Variants in HOOK1 observed in about 807,000 individuals in gnomAD.
HOOK1 encodes hook microtubule tethering protein 1.
HOOK1 carries 60 observed loss-of-function variants against 112.8 expected under a neutral mutation model. The observed-to-expected ratio is 0.53, with a 90% confidence interval of 0.43 to 0.66. HOOK1 has a LOEUF of 0.66. Ranked by LOEUF, HOOK1 falls within the 30% of genes least tolerant of loss-of-function variation. The pLI is 0.00. For synonymous variants in HOOK1, 294 were observed against 283.8 expected, an observed-to-expected ratio of 1.04 and a Z score of -0.36; for missense variants, 770 against 856.0, an observed-to-expected ratio of 0.90 and a Z score of 1.25.
chr1:59,862,915 T>C (rs560652204), intron 16 of HOOK1, 38 bp downstream of exon 16: 3 of 1,182,902 alleles, frequency 2.5e-6, no homozygotes, highest in Non-Finnish European at 3.8e-6. Context: ...CTGCTGTGTA[T>C]GGCTTTTCTT....
chr1:59,815,343 G>A (rs1406664188), intron 1 of HOOK1, 163 bp downstream of exon 1: 1 of 661,126 alleles, frequency 1.5e-6, no homozygotes, highest in Non-Finnish European at 2.5e-6. Flanking sequence ...CCTGCGGGTC[G>A]ACGGGCAGGT....
intron 20 of HOOK1, among the ~76,000 whole-genome samples, chr1:59,870,283 A>T (rs931711187): frequency 3.3e-5 from 5 of 152,230 alleles, no homozygotes; most frequent in Non-Finnish European, 5.9e-5. Context: ...GCACATGGGC[A>T]TTTAATTTGT....
At chr1:59,846,616 C>G (rs906188690) in intron 9 of HOOK1, among the ~76,000 whole-genome samples, 9 of 136,778 alleles carry the variant, frequency 6.6e-5, no homozygotes, top group African/African-American at 2.2e-4. Context: ...CTCCCTCTCT[C>G]TCTCTCATTC....
chr1:59,815,266 G>T, intron 1 of HOOK1, 86 bp downstream of exon 1: 5 of 1,289,356 alleles, frequency 3.9e-6, no homozygotes, highest in Non-Finnish European at 5.4e-6. Flanking sequence ...GTGAGCTGGG[G>T]CTACCTGCAC....
In HOOK1 at chr1:59,836,936, G is replaced by A. The variant is rs894758927; in HGVS notation, c.537+1G>A. On this transcript the variant is annotated splice_donor_variant, in intron 7 of 21. Transcript: ENST00000371208. LOFTEE classifies it high-confidence loss of function. ...TGCTGTTGGAGAATTGGAGCAACAG[G>A]TGAGTATTTTAGTATGGAAGAAAAA... is the stretch of plus-strand genomic sequence containing the variant. 3 of 1,587,984 alleles carry A rather than the reference G, an allele frequency of 1.9e-6. No individual in the cohort carries two copies. The highest frequency in any genetic ancestry group is 1.3e-5 in the African/African-American group (1 of 74,430).
At chr1:59,843,960 A>G (rs980959998) in intron 9 of HOOK1, among the ~76,000 whole-genome samples, 1 of 152,042 alleles carries the variant, frequency 6.6e-6, no homozygotes, top group Admixed American at 6.6e-5. Context: ...TCGTAAGCCA[A>G]GTAGGTGCTT....
chr1:59,847,977 T>A (rs2098404983), intron 10 of HOOK1, among the ~76,000 whole-genome samples: 1 of 151,754 alleles, frequency 6.6e-6, no homozygotes, highest in South Asian at 2.1e-4. Context: ...GGTTGGCCTG[T>A]AAGCTGCAGA....
At chr1:59,835,458 T>C in intron 6 of HOOK1, 46 bp downstream of exon 6, 1 of 1,090,844 alleles carries the variant, frequency 9.2e-7, no homozygotes, top group Non-Finnish European at 1.4e-6. Flanking sequence ...CTAAACCAAA[T>C]TATACAAAAC....
At chr1:59,850,188 A>G (rs2098406368) in intron 12 of HOOK1, among the ~76,000 whole-genome samples, 1 of 151,572 alleles carries the variant, frequency 6.6e-6, no homozygotes, top group Non-Finnish European at 1.5e-5. Context: ...TGTCTCTTCA[A>G]ATCCTTTGCC....
Position 59,843,432 on chromosome 1 carries a change from G to A in HOOK1, c.622G>A (p.Val208Met). 1 of 1,601,172 alleles carries A rather than the reference G, an allele frequency of 6.2e-7. No individual in the cohort carries two copies. Among genetic ancestry groups the A allele is most frequent in the Non-Finnish European group, 8.5e-7 (1 of 1,174,356 alleles). Residue 208 changes from valine (V) to methionine (M), a missense_variant and splice_region_variant, in exon 9 of 22, where the codon GTG becomes ATG. Coordinates refer to ENST00000371208, the MANE Select transcript of HOOK1 (RefSeq NM_015888.6). ...RQRCEELDMQ[V>M]TTLQDEKNSL... ...TTATGTATGTGTATTTGTTTCTTAG[G>A]TGACTACACTTCAAGATGAAAAGAA...
At chr1:59,862,233 G>A (rs1057469143) in intron 15 of HOOK1, among the ~76,000 whole-genome samples, 4 of 152,178 alleles carry the variant, frequency 2.6e-5, no homozygotes, top group African/African-American at 7.2e-5. Context: ...GAGGGAGAGG[G>A]AGATACTAAC....
At chr1:59,867,422 C>T (rs1643986267) in intron 19 of HOOK1, among the ~76,000 whole-genome samples, 2 of 152,096 alleles carry the variant, frequency 1.3e-5, no homozygotes, top group African/African-American at 4.8e-5. Context: ...AATGAAGGAG[C>T]CACAATAGTA....
chr1:59,828,718 A>G, intron 2 of HOOK1, 62 bp from the exon 3 acceptor site: 1 of 1,434,920 alleles, frequency 7.0e-7, no homozygotes, highest in African/African-American at 1.4e-5. Flanking sequence ...TGTTGGCTCT[A>G]TTTAATTTTT....
At position 59,858,999 on chromosome 1, in the gene HOOK1, A is replaced by G. The variant is rs1374262187; in HGVS notation, c.1345A>G (p.Lys449Glu). 5.7e-6 allele frequency: 9 copies of G among 1,575,712 alleles called. No homozygotes were observed. The highest frequency in any genetic ancestry group is 2.3e-5 in the East Asian group (1 of 43,964). Residue 449 changes from lysine to glutamate, a missense_variant, in exon 14 of 22, where the codon AAA becomes GAA. Physicochemically the swap from Lys to Glu is moderately conservative, Grantham distance 56. Transcript: ENST00000371208. ...TTATTTTTTAGATGCATCTGCTACA[A>G]AAAGTTATGAGAATCTTGCTGCTGA... ...HLNQTDASAT[K>E]SYENLAAEIM... is the part of the protein sequence containing the mutation.
intron 5 of HOOK1, 84 bp from the exon 6 acceptor site, chr1:59,835,261 A>C (rs2098396752): frequency 2.6e-6 from 2 of 773,820 alleles, no homozygotes; most frequent in South Asian, 3.0e-5. Flanking sequence ...GGGTAGATGA[A>C]TTTTTATAGT....
chr1:59,825,711 TCAGTGCTCCCAAC>T (rs1343771801), intron 2 of HOOK1, among the ~76,000 whole-genome samples: 1 of 152,214 alleles, frequency 6.6e-6, no homozygotes, highest in African/African-American at 2.4e-5. Context: ...GACTCCAAGT[TCAGTGCTCCCAAC>T]CAGCTGTAAT....
chr1:59,868,494 GC>G (rs1184119603), intron 20 of HOOK1, 143 bp downstream of exon 20: 1 of 649,310 alleles, frequency 1.5e-6, no homozygotes, highest in African/African-American at 1.8e-5. Context: ...TTATTACAAA[GC>G]ATCTCACTGG....
At chr1:59,865,042 C>A in intron 17 of HOOK1, 121 bp from the exon 18 acceptor site, 1 of 665,648 alleles carries the variant, frequency 1.5e-6, no homozygotes. Context: ...ACAACCCCTG[C>A]AGTCATGCAG....
At chr1:59,831,037 A>G (rs1208955436) in intron 3 of HOOK1, among the ~76,000 whole-genome samples, 1 of 151,838 alleles carries the variant, frequency 6.6e-6, no homozygotes, top group Non-Finnish European at 1.5e-5. Flanking sequence ...AGTAGCTGGG[A>G]TTACAGGTGC....
Sources: allele counts gnomAD v4.1 joint callset (sites outside exome capture counted in the v4.1 genomes callset), GRCh38; gene constraint gnomAD v4.1.1; transcripts MANE v1.5; gene names NCBI Gene and HGNC (gene_info 2026-07-23, HGNC 2026-07-21).